KLRG1: variants seen among roughly 807,000 people sequenced by gnomAD.
The protein encoded by KLRG1 is killer cell lectin like receptor G1.
KLRG1 carries 16 observed loss-of-function variants against 21.8 expected under a neutral mutation model. That is an observed-to-expected ratio of 0.73 (90% CI 0.50 to 1.11). The LOEUF (loss-of-function observed/expected upper bound fraction) is 1.11. Among genes scored for constraint, KLRG1 ranks in the 50% most tolerant of loss-of-function variants. The probability of loss-of-function intolerance (pLI) is 0.00; values close to 1 mark genes in which losing one functional copy is unlikely to be tolerated. For missense variants in KLRG1, 173 were observed against 218.3 expected (o/e 0.79, Z 1.31); for synonymous variants, 69 against 75.9 (o/e 0.91, Z 0.47).
At chr12:8,989,447 A>G, upstream of KLRG1, 1 of 516,876 alleles carries the variant, frequency 1.9e-6, no homozygotes, top group Non-Finnish European at 3.4e-6. Flanking sequence ...GGGCAAAAAA[A>G]TAGCAACTTA....
chr12:9,106,859 G>T, the KLRG1 span, among the ~76,000 whole-genome samples: 2 of 152,058 alleles, frequency 1.3e-5, no homozygotes, highest in Non-Finnish European at 2.9e-5. Flanking sequence ...AAAATTTGAG[G>T]AGTAATTTTT....
the KLRG1 span, among the ~76,000 whole-genome samples, chr12:9,185,930 C>A: frequency 6.6e-6 from 1 of 151,820 alleles, no homozygotes; most frequent in Non-Finnish European, 1.5e-5. Context: ...GCCTCAGCCT[C>A]CCGAGTAGCT....
the KLRG1 span, among the ~76,000 whole-genome samples, chr12:9,184,795 T>C: frequency 6.6e-6 from 1 of 151,878 alleles, no homozygotes. Flanking sequence ...AATCCAGGAG[T>C]CCTGAACTGA....
chr12:8,979,448 A>G (rs1946718852), intron 1 of KLRG1, among the ~76,000 whole-genome samples: 1 of 152,196 alleles, frequency 6.6e-6, no homozygotes, highest in African/African-American at 2.4e-5. Flanking sequence ...ATCTACTGAT[A>G]GTCTTATATG....
the KLRG1 span, chr12:9,109,261 C>A: frequency 3.0e-5 from 42 of 1,394,662 alleles, no homozygotes; most frequent in Non-Finnish European, 4.0e-5. Flanking sequence ...TTAAAATATC[C>A]CAAATGGTGA....
the KLRG1 span, chr12:9,080,107 A>C: frequency 1.3e-6 from 2 of 1,586,664 alleles, no homozygotes; most frequent in African/African-American, 2.7e-5. Context: ...AAACTGAGAC[A>C]GAAGCTCGGG....
chr12:9,004,971 G>A (rs1301959938), intron 3 of KLRG1, among the ~76,000 whole-genome samples: 1 of 151,848 alleles, frequency 6.6e-6, no homozygotes, highest in Non-Finnish European at 1.5e-5. Flanking sequence ...TTTATCCGAA[G>A]GAAATAAAAT....
the KLRG1 span, among the ~76,000 whole-genome samples, chr12:9,061,249 T>C: frequency 6.6e-6 from 1 of 152,132 alleles, no homozygotes; most frequent in Non-Finnish European, 1.5e-5. Context: ...TGTTGTTGAA[T>C]TGGGAATCTT....
At chr12:9,157,649 G>T in the KLRG1 span, 1 of 915,572 alleles carries the variant, frequency 1.1e-6, no homozygotes, top group South Asian at 1.6e-5. Flanking sequence ...TTATCAGTCT[G>T]AGAAATCCCT....
chr12:9,204,791 AT>A, the KLRG1 span, among the ~76,000 whole-genome samples: 1 of 152,110 alleles, frequency 6.6e-6, no homozygotes, highest in Admixed American at 6.6e-5. Flanking sequence ...TATCTTTTCA[AT>A]AAAAAAAAAC....
At chr12:9,092,204 G>A in the KLRG1 span, among the ~76,000 whole-genome samples, 1 of 152,086 alleles carries the variant, frequency 6.6e-6, no homozygotes. Flanking sequence ...CTCGCCCCAC[G>A]GATAAAACCA....
At chr12:8,973,003 T>C (rs1192727032) in intron 1 of KLRG1, among the ~76,000 whole-genome samples, 1 of 151,358 alleles carries the variant, frequency 6.6e-6, no homozygotes. Flanking sequence ...TAGCCGGGCA[T>C]GGTGGCGCAC....
intron 3 of KLRG1, 24 bp downstream of exon 3, chr12:8,995,312 G>A (rs1947097293): frequency 3.8e-6 from 6 of 1,587,256 alleles, no homozygotes; most frequent in Non-Finnish European, 4.3e-6. Context: ...TTTAGAAAAT[G>A]TAGGGTTTTT....
intron 1 of KLRG1, among the ~76,000 whole-genome samples, chr12:8,968,592 C>A (rs1243722411): frequency 6.6e-6 from 1 of 152,188 alleles, no homozygotes; most frequent in Non-Finnish European, 1.5e-5. Flanking sequence ...GAGCCTTGAA[C>A]AGCATATCAG....
At chr12:9,012,370 C>G (rs1947643942), downstream of KLRG1, among the ~76,000 whole-genome samples, 1 of 152,134 alleles carries the variant, frequency 6.6e-6, no homozygotes. Context: ...AAGACCCACT[C>G]TGGACCAGAA....
chr12:8,961,799 A>G (rs1380284618), intron 1 of KLRG1, among the ~76,000 whole-genome samples: 1 of 152,164 alleles, frequency 6.6e-6, no homozygotes, highest in East Asian at 1.9e-4. Context: ...AAAAATTGCC[A>G]CACAAGCCAG....
intron 1 of KLRG1, among the ~76,000 whole-genome samples, chr12:8,991,003 AT>A (rs1946949938): frequency 6.6e-6 from 1 of 152,128 alleles, no homozygotes; most frequent in East Asian, 1.9e-4. Flanking sequence ...CTCATTATGA[AT>A]TTTTTTCTTT....
chr12:9,048,405 A>G, the KLRG1 span, among the ~76,000 whole-genome samples: 1 of 152,172 alleles, frequency 6.6e-6, no homozygotes, highest in Admixed American at 6.5e-5. Flanking sequence ...CTAGAGAAAT[A>G]CAAGATAAGA....
At chr12:9,186,234 C>CA in the KLRG1 span, among the ~76,000 whole-genome samples, 1 of 152,116 alleles carries the variant, frequency 6.6e-6, no homozygotes, top group African/African-American at 2.4e-5. Context: ...CCACCAGATC[C>CA]AACTTGCAAG....
Sources: allele counts gnomAD v4.1 joint callset (sites outside exome capture counted in the v4.1 genomes callset), GRCh38; gene constraint gnomAD v4.1.1; transcripts MANE v1.5; gene names NCBI Gene and HGNC (gene_info 2026-07-23, HGNC 2026-07-21).